The following NMRAL1 variants were observed in gnomAD, a reference collection of about 807,000 sequenced individuals.
NMRAL1 encodes the protein NmrA like redox sensor 1.
A neutral mutation model predicts 27.5 loss-of-function variants in NMRAL1; 32 were observed. The observed-to-expected ratio is 1.16, with a 90% CI of 0.88 to 1.56. The LOEUF is 1.56. NMRAL1 is among the 40% of genes most tolerant of loss of function. The pLI is 0.00. For synonymous variants in NMRAL1, 166 were observed against 166.8 expected (o/e 1.00, Z 0.04); for missense variants, 420 against 392.0 (o/e 1.07, Z -0.60).
chr16:4,467,526 G>A (rs146911385), intron 3 of NMRAL1, among the ~76,000 whole-genome samples: 82 of 151,914 alleles, frequency 5.4e-4, no homozygotes, highest in African/African-American at 1.7e-3. Context: ...AAACTACCAC[G>A]CCTGGCCTCC....
At chr16:4,472,385 C>T (rs1418035397) in intron 2 of NMRAL1, among the ~76,000 whole-genome samples, 5 of 149,128 alleles carry the variant, frequency 3.4e-5, no homozygotes, top group South Asian at 2.1e-4. Flanking sequence ...GAGGTTGCAG[C>T]GAGCAGAGAT....
chr16:4,475,614 C>A (rs187751627), upstream of NMRAL1, among the ~76,000 whole-genome samples: 441 of 151,994 alleles, frequency 2.9e-3, 3 homozygotes, highest in African/African-American at 0.01. Context: ...ACCCGGCCCA[C>A]GATTTCAGTA....
At chr16:4,470,798 T>A (rs1051090978) in intron 2 of NMRAL1, among the ~76,000 whole-genome samples, 3 of 151,436 alleles carry the variant, frequency 2.0e-5, no homozygotes, top group Non-Finnish European at 4.4e-5. Flanking sequence ...ATACAAAAAC[T>A]TAGCCGGGCG....
chr16:4,475,710 G>A (rs1397670435), upstream of NMRAL1, among the ~76,000 whole-genome samples: 1 of 151,780 alleles, frequency 6.6e-6, no homozygotes, highest in African/African-American at 2.4e-5. Flanking sequence ...GGCCGAGGCG[G>A]GTGGATCACC....
intron 2 of NMRAL1, among the ~76,000 whole-genome samples, chr16:4,471,102 G>A (rs1277197736): frequency 2.0e-5 from 3 of 151,994 alleles, no homozygotes; most frequent in Non-Finnish European, 4.4e-5. Context: ...GTGAGACTCT[G>A]TCTCAAAACA....
In NMRAL1 at chr16:4,464,619, T is replaced by G. The variant is rs553295061; in HGVS notation, c.530-769A>C. 9.3e-4 allele frequency among the ~76,000 whole-genome samples: 139 copies of G among 148,686 alleles called. 1 individual carries two copies. Among genetic ancestry groups the G allele is most frequent in the African/African-American group, 3.4e-3 (135 of 40,248 alleles). ...GATATCCCTGACTGCAGGTTTTTTT[T>G]TTTTTTTTTTTTTGAGATGGAGTCT... On this transcript the variant is annotated intron_variant, in intron 4 of 5. Coordinates refer to ENST00000283429, the MANE Select transcript of NMRAL1 (RefSeq NM_020677.6).
Position 4,462,301 on chromosome 16 carries a change from A to C in NMRAL1, c.721-342T>G, listed in dbSNP as rs377538027. 3.3e-5 allele frequency among the ~76,000 whole-genome samples: 5 copies of C among 151,850 alleles called. No individual in the cohort carries two copies. In the East Asian group the frequency reaches 9.7e-4, roughly 30 times the overall value. ...CGAGACCAGCGTGGCCAACACGATA[A>C]AACCCCGTCTCTTTCAAAAATACAA... On this transcript the variant is annotated intron_variant, in intron 5 of 5. Coordinates refer to ENST00000283429, the MANE Select transcript of NMRAL1 (RefSeq NM_020677.6).
Position 4,469,373 on chromosome 16 carries a change from T to A in NMRAL1, c.133A>T (p.Lys45Ter). 1 of 1,614,086 alleles carries A rather than the reference T, an allele frequency of 6.2e-7. No individual in the cohort carries two copies. Reference sequence around the variant, plus strand: ...TCTGCACCTTGCAGCCTCAGCTCCTTTGCTGCCTTCTTCCTAGGGTTTCGG... The same window carrying A: ...TCTGCACCTTGCAGCCTCAGCTCCTATGCTGCCTTCTTCCTAGGGTTTCGG... ...VTRNPRKKAA[K>*]ELRLQGAEVV... The change falls in exon 3 of 6, where the codon AAG becomes TAG. Residue 45 changes from lysine (K) to a stop codon, truncating the protein, a stop_gained. Transcript: ENST00000283429. LOFTEE classifies it high-confidence loss of function.
At chr16:4,463,400 GCATTTT>G in intron 5 of NMRAL1, 1 of 523,404 alleles carries the variant, frequency 1.9e-6, no homozygotes, top group Non-Finnish European at 3.3e-6. Flanking sequence ...GGCAGGGCCT[GCATTTT>G]CACCCCTCCT....
At chr16:4,463,085 C>T (rs1335670665) in intron 5 of NMRAL1, among the ~76,000 whole-genome samples, 4 of 151,662 alleles carry the variant, frequency 2.6e-5, no homozygotes, top group African/African-American at 9.7e-5. Context: ...AAACTCCTGA[C>T]CTCAGGTGAT....
chr16:4,464,705 C>G (rs543943550), intron 4 of NMRAL1, among the ~76,000 whole-genome samples: 1 of 151,202 alleles, frequency 6.6e-6, no homozygotes, highest in African/African-American at 2.4e-5. Context: ...AGCTCCACCT[C>G]CCGGGTTCAC....
chr16:4,474,421 A>C, intron 1 of NMRAL1, 133 bp downstream of exon 1: 5 of 419,782 alleles, frequency 1.2e-5, no homozygotes, highest in East Asian at 4.1e-5. Flanking sequence ...GGCTGGAGTG[A>C]CCTCCTCGCC....
intron 2 of NMRAL1, among the ~76,000 whole-genome samples, chr16:4,470,843 A>G (rs1002123298): frequency 1.3e-5 from 2 of 151,842 alleles, no homozygotes; most frequent in African/African-American, 4.8e-5. Context: ...GCTACTCGGG[A>G]GACTGAGGCA....
rs773633426 is a variant in NMRAL1 at position 4,461,779 on chromosome 16, G to T, written c.*1C>A. The T allele has an allele frequency of 1.9e-5, 30 of 1,610,432 alleles. No homozygotes were observed. Among genetic ancestry groups the T allele is most frequent in the African/African-American group, 2.7e-5 (2 of 74,746 alleles). ...CCACAAGGGGCCGCGAGGCGGGCAG[G>T]TCACAGCAGGTTGAAGTCCCCTTTG... On this transcript the variant is annotated 3_prime_UTR_variant, in exon 6 of 6. Coordinates refer to ENST00000283429, the MANE Select transcript of NMRAL1 (RefSeq NM_020677.6).
chr16:4,462,307 C>T (rs532129299), intron 5 of NMRAL1, among the ~76,000 whole-genome samples: 11 of 151,984 alleles, frequency 7.2e-5, no homozygotes, highest in East Asian at 1.9e-4. Context: ...GATAAAACCC[C>T]GTCTCTTTCA....
chr16:4,463,015 C>A (rs1373196654), intron 5 of NMRAL1, among the ~76,000 whole-genome samples: 1 of 151,948 alleles, frequency 6.6e-6, no homozygotes, highest in East Asian at 1.9e-4. Context: ...CCACCACACC[C>A]GGCTAATTTG....
chr16:4,461,827 G>C lies in NMRAL1; in HGVS notation c.853C>G (p.Leu285Val). ...TTGTGCTGTTCCAGCCACTGGTCCA[G>C]CGTCAGGGCCTTGGGGTTGAGTCTC... is the stretch of plus-strand genomic sequence containing the variant. Reference protein sequence around the residue: ...TLRLNPKALTLDQWLEQHKGD... With the variant: ...TLRLNPKALTVDQWLEQHKGD... Residue 285 changes from leucine to valine, a missense_variant, in exon 6 of 6, where the codon CTG becomes GTG. Leu to Val is a conservative substitution (Grantham distance 32, BLOSUM62 1). Transcript: ENST00000283429. The C allele has an allele frequency of 6.2e-7, 1 of 1,614,220 alleles. No individual in the cohort carries two copies. The highest frequency in any genetic ancestry group is 8.5e-7 in the Non-Finnish European group (1 of 1,180,038).
At chr16:4,464,213 C>T in intron 4 of NMRAL1, 1 of 297,514 alleles carries the variant, frequency 3.4e-6, no homozygotes, top group East Asian at 7.5e-5. Context: ...GAGAGTGTGG[C>T]TGGAGCCCAG....
chr16:4,462,014 C>A (rs1372009781), intron 5 of NMRAL1, 55 bp from the exon 6 acceptor site: 1 of 1,506,768 alleles, frequency 6.6e-7, no homozygotes, highest in East Asian at 2.3e-5. Context: ...CGGGAGGTGG[C>A]GGGGCAGGGA....
Sources: allele counts gnomAD v4.1 joint callset (sites outside exome capture counted in the v4.1 genomes callset), GRCh38; gene constraint gnomAD v4.1.1; transcripts MANE v1.5; gene names NCBI Gene and HGNC (gene_info 2026-07-23, HGNC 2026-07-21).